NFIB: variants seen among roughly 807,000 people sequenced by gnomAD.
NFIB encodes the protein nuclear factor I B.
A neutral mutation model predicts 61.5 loss-of-function variants in NFIB; 11 were observed. That is an observed-to-expected ratio of 0.18 (90% CI 0.11 to 0.30). The LOEUF is 0.30. Among genes scored for constraint, NFIB ranks in the 10% least tolerant of loss-of-function variants. The probability of loss-of-function intolerance (pLI) is 1.00; values close to 1 mark genes in which losing one functional copy is unlikely to be tolerated. For missense variants in NFIB, 471 were observed against 608.9 expected, an observed-to-expected ratio of 0.77 and a Z score of 2.38; for synonymous variants, 260 against 216.5, an observed-to-expected ratio of 1.20 and a Z score of -1.76.
chr9:14,251,576 G>A (rs1214426202), intron 2 of NFIB, among the ~76,000 whole-genome samples: 1 of 152,170 alleles, frequency 6.6e-6, no homozygotes, highest in Non-Finnish European at 1.5e-5. Flanking sequence ...AGTCATTCAG[G>A]TTACTGCAAG....
intron 8 of NFIB, among the ~76,000 whole-genome samples, chr9:14,119,012 T>TA (rs554110091): frequency 7.3e-5 from 11 of 149,824 alleles, no homozygotes; most frequent in Admixed American, 1.3e-4. Flanking sequence ...AGACATCAGT[T>TA]AAAAAAAAAA....
chr9:14,146,920 A>C, intron 5 of NFIB, 113 bp from the exon 6 acceptor site: 1 of 1,364,348 alleles, frequency 7.3e-7, no homozygotes, highest in Non-Finnish European at 1.0e-6. Flanking sequence ...AGCACAAGTA[A>C]TAATGGTGAG....
At chr9:14,443,082 C>T in the NFIB span, among the ~76,000 whole-genome samples, 2 of 135,006 alleles carry the variant, frequency 1.5e-5, no homozygotes, top group Non-Finnish European at 3.1e-5. Context: ...TTGCTTCTGT[C>T]CTTCCCAGAG....
chr9:14,313,332 G>A lies in NFIB; in HGVS notation c.30+150C>T, dbSNP rs900570328. On this transcript the variant is annotated intron_variant, in intron 1 of 10. Coordinates refer to ENST00000380953, the MANE Select transcript of NFIB (RefSeq NM_001190737.2). This position sits in a 1 kb window ranked among gnomAD's most constrained non-coding sequence, Gnocchi z 4.5. ...AGGGGCCGCTCCCGGCTCCCACGCCGCCCCGCGACGCCCGCTGCAACTCCG... is the reference window on the plus strand; with the variant it reads ...AGGGGCCGCTCCCGGCTCCCACGCCACCCCGCGACGCCCGCTGCAACTCCG... The A allele has an allele frequency of 3.7e-5, 41 of 1,104,900 alleles. No individual in the cohort carries two copies. In the South Asian group the frequency reaches 6.8e-4, roughly 18 times the overall value. The allele number at this position is 1,104,900 out of a possible 1,614,324, so 68.4% of individuals were successfully genotyped here.
intron 2 of NFIB, among the ~76,000 whole-genome samples, chr9:14,184,929 A>AT (rs2047179521): frequency 6.6e-6 from 1 of 152,146 alleles, no homozygotes; most frequent in Non-Finnish European, 1.5e-5. Context: ...AGGCTGAGAC[A>AT]TGAGAATCAC....
intron 1 of NFIB, among the ~76,000 whole-genome samples, chr9:14,335,140 T>G (rs1337196110): frequency 3.3e-5 from 5 of 152,252 alleles, no homozygotes; most frequent in Non-Finnish European, 7.3e-5. Context: ...CTATGAACAT[T>G]CATGTACAAG....
chr9:14,506,465 C>G, the NFIB span, among the ~76,000 whole-genome samples: 1 of 152,070 alleles, frequency 6.6e-6, no homozygotes, highest in African/African-American at 2.4e-5. Context: ...CTAACTCTTT[C>G]TTGAGAAGAA....
At chr9:14,416,252 CT>C in the NFIB span, among the ~76,000 whole-genome samples, 1 of 152,146 alleles carries the variant, frequency 6.6e-6, no homozygotes, top group South Asian at 2.1e-4. Context: ...ATTTACTCTA[CT>C]TTTTATTGTT....
chr9:14,392,434 A>T (rs2061634818), intron 1 of NFIB, among the ~76,000 whole-genome samples: 1 of 152,238 alleles, frequency 6.6e-6, no homozygotes, highest in Non-Finnish European at 1.5e-5. Flanking sequence ...ATTCTAACAT[A>T]AAAAGATTAT....
At chr9:14,511,042 G>T in the NFIB span, among the ~76,000 whole-genome samples, 1 of 152,108 alleles carries the variant, frequency 6.6e-6, no homozygotes, top group African/African-American at 2.4e-5. Context: ...GGAGGTTGAG[G>T]CTAAAAGATT....
Position 14,094,759 on chromosome 9 carries a change from A to G in NFIB, c.1468-6433T>C, listed in dbSNP as rs188617484. ...GACTTCACAGTAATGAAAGAGAAAC[A>G]TATTTGTTTCTTAACTAAGTAGGTA... On this transcript the variant is annotated intron_variant, in intron 10 of 10. Transcript: ENST00000380953. Among the ~76,000 whole-genome samples the G allele has an allele frequency of 9.6e-4, 146 of 152,234 alleles. 1 individual carries two copies. In the South Asian group the frequency reaches 0.024, roughly 25 times the overall value.
At chr9:14,199,172 T>G (rs1322129901) in intron 2 of NFIB, among the ~76,000 whole-genome samples, 1 of 152,228 alleles carries the variant, frequency 6.6e-6, no homozygotes, top group Non-Finnish European at 1.5e-5. Context: ...AACACAAATA[T>G]TGGCATAGGT....
chr9:14,473,804 C>G, the NFIB span, among the ~76,000 whole-genome samples: 3 of 152,164 alleles, frequency 2.0e-5, no homozygotes, highest in Non-Finnish European at 4.4e-5. Flanking sequence ...TATGTCTCCA[C>G]TTTTGCTGAA....
At chr9:14,485,389 GT>G in the NFIB span, among the ~76,000 whole-genome samples, 3 of 152,158 alleles carry the variant, frequency 2.0e-5, no homozygotes, top group Non-Finnish European at 4.4e-5. Flanking sequence ...TTAAAATCAT[GT>G]TTATTTTTGT....
Position 14,177,790 on chromosome 9 carries a change from T to C in NFIB, c.616+1937A>G, listed in dbSNP as rs77337971. Among the ~76,000 whole-genome samples the C allele has an allele frequency of 2.6e-3, 398 of 152,332 alleles. 3 individuals are homozygous for C. Among genetic ancestry groups the C allele is most frequent in the African/African-American group, 8.4e-3 (351 of 41,592 alleles). On this transcript the variant is annotated intron_variant, in intron 3 of 10. Transcript: ENST00000380953. The stretch of plus-strand genomic sequence containing the variant: ...AAAGGGAAAAAAATTAGAGGTGTTC[T>C]ACCTTGGTTGTTTTTGTTTGCCATG...
At chr9:14,499,078 T>TTG in the NFIB span, among the ~76,000 whole-genome samples, 2 of 150,226 alleles carry the variant, frequency 1.3e-5, no homozygotes, top group Non-Finnish European at 3.0e-5. Context: ...GTGTGTGTGT[T>TTG]TGTGTGTGTG....
At chr9:14,434,495 G>C in the NFIB span, among the ~76,000 whole-genome samples, 5 of 152,188 alleles carry the variant, frequency 3.3e-5, no homozygotes, top group Non-Finnish European at 7.3e-5. Flanking sequence ...GGACTGCAGA[G>C]ACTCAAAAAG....
chr9:14,393,168 T>C (rs1193468014), intron 1 of NFIB, among the ~76,000 whole-genome samples: 1 of 78,262 alleles, frequency 1.3e-5, no homozygotes, highest in Non-Finnish European at 2.7e-5. Flanking sequence ...TCTAATAACT[T>C]TCTTCCAATC....
chr9:14,252,959 A>AAGGAAGGAAGGGAGGGAGGG (rs1272575872), intron 2 of NFIB, among the ~76,000 whole-genome samples: 1 of 139,142 alleles, frequency 7.2e-6, no homozygotes, highest in African/African-American at 2.6e-5. Context: ...AGGAGGGAGG[A>AAGGAAGGAAGGGAGGGAGGG]AGGAAGGAAG....
Sources: allele counts gnomAD v4.1 joint callset (sites outside exome capture counted in the v4.1 genomes callset), GRCh38; gene constraint gnomAD v4.1.1; non-coding constraint Gnocchi (gnomAD v3.1); transcripts MANE v1.5; gene names NCBI Gene and HGNC (gene_info 2026-07-23, HGNC 2026-07-21).